Variants in PASD1 observed in about 807,000 individuals in gnomAD.
PASD1 encodes the protein circadian clock protein PASD1.
A neutral mutation model predicts 58.8 loss-of-function variants in PASD1; 13 were observed. The observed-to-expected ratio is 0.22, with a 90% CI of 0.14 to 0.35. The LOEUF is 0.35. Among genes scored for constraint, PASD1 ranks in the 10% least tolerant of loss-of-function variants. The pLI is 1.00. For missense variants in PASD1, 734 were observed against 568.3 expected (o/e 1.29, Z -2.96); for synonymous variants, 236 against 216.7 (o/e 1.09, Z -0.78).
At chrX:151,595,985 C>G (rs946090172) in intron 1 of PASD1, among the ~76,000 whole-genome samples, 4 of 111,331 alleles carry the variant, frequency 3.6e-5, no homozygotes, top group African/African-American at 1.3e-4. Context: ...GCTCTTATCT[C>G]AAAGATCACA....
At chrX:151,625,738 G>A (rs896930581) in intron 8 of PASD1, among the ~76,000 whole-genome samples, 1 of 111,605 alleles carries the variant, frequency 9.0e-6, no homozygotes, top group African/African-American at 3.3e-5. Flanking sequence ...GAGCCCAAGA[G>A]TTTGAGACCA....
chrX:151,669,097 A>G (rs1162818801), intron 11 of PASD1, among the ~76,000 whole-genome samples: 2 of 106,748 alleles, frequency 1.9e-5, no homozygotes, highest in East Asian at 5.8e-4. Context: ...GATATTGTGG[A>G]TGTTAATCTT....
chrX:151,600,076 A>G (rs1010897396), intron 1 of PASD1, among the ~76,000 whole-genome samples: 3 of 112,374 alleles, frequency 2.7e-5, no homozygotes, highest in Non-Finnish European at 5.6e-5. Flanking sequence ...CAGCCCGGCC[A>G]ACAAGGCGAA....
intron 1 of PASD1, among the ~76,000 whole-genome samples, chrX:151,575,674 G>A (rs902994640): frequency 2.8e-5 from 3 of 107,057 alleles, no homozygotes; most frequent in African/African-American, 6.8e-5. Flanking sequence ...TTGAGACGAG[G>A]TCTCTCTCTC....
intron 1 of PASD1, among the ~76,000 whole-genome samples, chrX:151,577,253 AAC>A (rs1240554057): frequency 3.6e-5 from 4 of 112,450 alleles, no homozygotes; most frequent in African/African-American, 1.3e-4. Flanking sequence ...TCTCAATAGA[AAC>A]ACAAATTATC....
chrX:151,613,062 T>A lies in PASD1; in HGVS notation c.207+1309T>A, dbSNP rs186422486. On this transcript the variant is annotated intron_variant, in intron 4 of 15. Coordinates refer to ENST00000370357, the MANE Select transcript of PASD1 (RefSeq NM_173493.3). ...GCTAGCCCGTTTTCCCAGCACCATT[T>A]GTTAAATAGAGAATCCTTTCTCCAC... Among the ~76,000 whole-genome samples the A allele has an allele frequency of 2.7e-5, 3 of 112,225 alleles. No individual in the cohort carries two copies. In the Admixed American group the frequency reaches 2.8e-4, roughly 11 times the overall value.
intron 7 of PASD1, among the ~76,000 whole-genome samples, chrX:151,625,014 T>G (rs2013765317): frequency 8.9e-6 from 1 of 112,145 alleles, no homozygotes; most frequent in African/African-American, 3.2e-5. Context: ...ACATCTGATT[T>G]GGCCCAATAC....
intron 12 of PASD1, 112 bp downstream of exon 12, chrX:151,671,308 G>A (rs751161648): frequency 7.6e-5 from 67 of 887,102 alleles, no homozygotes; most frequent in East Asian, 6.6e-4. Context: ...GGTGTCTGCC[G>A]GTAGTGACAG....
intron 11 of PASD1, among the ~76,000 whole-genome samples, chrX:151,670,275 G>T (rs2014447774): frequency 9.0e-6 from 1 of 111,599 alleles, no homozygotes; most frequent in Admixed American, 9.6e-5. Context: ...ATAAGATCTG[G>T]GTTGTAGAAC....
chrX:151,671,045 A>G lies in PASD1; in HGVS notation c.1079A>G (p.Gln360Arg). The part of the protein sequence containing the change: ...GAAGASAQPL[Q>R]PSSPVAYDII... ...AGTAATTCCTCCCCACAGCCATTAC[A>G]GCCATCATCACCAGTTGCATATGAC... The change falls in exon 12 of 16, where the codon CAG (glutamine) becomes CGG (arginine). Residue 360 changes from glutamine (Q) to arginine (R), a missense_variant. By Grantham distance (43) the Gln-to-Arg change is conservative. Transcript: ENST00000370357. 1 of 1,210,592 alleles carries G rather than the reference A, an allele frequency of 8.3e-7. No homozygotes were observed. Among genetic ancestry groups the G allele is most frequent in the East Asian group, 3.0e-5 (1 of 33,834 alleles).
rs764603001 is a variant in PASD1, at chrX:151,619,857, T to A, written c.208-1073T>A. ...TCCAAAGTGGACCAGATAAGCAGAG[T>A]TATAATTGAAGTGAGAGGCGGTAAT... On this transcript the variant is annotated intron_variant, in intron 4 of 15. Coordinates refer to ENST00000370357, the MANE Select transcript of PASD1 (RefSeq NM_173493.3). Among the ~76,000 whole-genome samples, 10 of 111,128 alleles carry A rather than the reference T, an allele frequency of 9.0e-5. No homozygotes were observed. In the South Asian group the frequency reaches 3.4e-3, roughly 38 times the overall value.
At chrX:151,672,068 G>A (rs761516501) in intron 13 of PASD1, 115 bp from the exon 14 acceptor site, 112 of 1,050,235 alleles carry the variant, frequency 1.1e-4, no homozygotes, top group African/African-American at 4.0e-4. Context: ...TATGTGCAGA[G>A]AGGCTCAACT....
chrX:151,592,263 A>G (rs993562750), intron 1 of PASD1, among the ~76,000 whole-genome samples: 1 of 112,367 alleles, frequency 8.9e-6, no homozygotes, highest in African/African-American at 3.2e-5. Flanking sequence ...GATCTGATAA[A>G]TTGATGATAT....
Position 151,671,766 on chromosome X carries a change from T to C in PASD1, c.1424T>C (p.Val475Ala). Residue 475 changes from valine (V) to alanine (A), a missense_variant, in exon 13 of 16, where the codon GTT becomes GCT. Val to Ala is a moderately conservative substitution (Grantham distance 64). Coordinates refer to ENST00000370357, the MANE Select transcript of PASD1 (RefSeq NM_173493.3). ...ACTGGGGAGCTTCAGGAGCCTTGTG[T>C]TGCCTTCAACCAGGTATGGAAAGGC... ...KNTGELQEPC[V>A]AFNQQQLVQQ... The C allele has an allele frequency of 8.3e-7, 1 of 1,206,242 alleles. No individual in the cohort carries two copies. Among genetic ancestry groups the C allele is most frequent in the Non-Finnish European group, 1.1e-6 (1 of 890,239 alleles).
intron 8 of PASD1, among the ~76,000 whole-genome samples, chrX:151,638,315 A>G (rs1275515744): frequency 1.8e-5 from 2 of 109,670 alleles, no homozygotes; most frequent in African/African-American, 3.3e-5. Context: ...GCTGGGGGAG[A>G]GATAGCATTA....
intron 11 of PASD1, among the ~76,000 whole-genome samples, chrX:151,669,211 T>C (rs1372870577): frequency 1.9e-5 from 2 of 106,415 alleles, no homozygotes; most frequent in African/African-American, 6.8e-5. Flanking sequence ...ATAGTATACA[T>C]AGTTTAGTGC....
intron 8 of PASD1, among the ~76,000 whole-genome samples, chrX:151,625,836 A>G (rs2013779053): frequency 9.0e-6 from 1 of 111,019 alleles, no homozygotes; most frequent in Non-Finnish European, 1.9e-5. Flanking sequence ...AGTCCTAGCT[A>G]TTTGGGATAC....
rs145825027 is a variant in PASD1, at chrX:151,621,961, C to T, written c.418+369C>T. Among the ~76,000 whole-genome samples the T allele has an allele frequency of 4.9e-3, 533 of 109,478 alleles. 4 individuals carry two copies. The highest frequency in any genetic ancestry group is 0.017 in the African/African-American group (510 of 30,073). On this transcript the variant is annotated intron_variant, in intron 6 of 15. Transcript: ENST00000370357. ...GAAGCAGCTGATTTTGTGGTGGCCT[C>T]GGTGGATTTTAAGTCATGCATAGGC...
At chrX:151,600,100 C>T (rs2013392325) in intron 1 of PASD1, among the ~76,000 whole-genome samples, 1 of 112,037 alleles carries the variant, frequency 8.9e-6, no homozygotes, top group African/African-American at 3.2e-5. Context: ...CCGTCTCCAC[C>T]AAAAAATACG....
Sources: gnomAD v4.1 joint callset for allele counts (sites outside exome capture counted in the v4.1 genomes callset) on GRCh38, gnomAD v4.1.1 for gene constraint, MANE v1.5 for transcripts, NCBI Gene and HGNC (gene_info 2026-07-23, HGNC 2026-07-21) for gene names.